Variants in FMNL2 observed in about 807,000 individuals in gnomAD.
FMNL2 encodes formin like 2, also known as formin-like protein 2.
Under a neutral mutation model 130.2 loss-of-function variants are expected in FMNL2, and 51 were observed. The ratio of observed to expected loss-of-function variants is 0.39; its 90% CI spans 0.31 to 0.49. The LOEUF (loss-of-function observed/expected upper bound fraction) is 0.49. FMNL2 is among the 20% of genes least tolerant of loss of function. The pLI, the probability that FMNL2 is intolerant of heterozygous loss-of-function variation, is 0.85. For missense variants in FMNL2, 977 were observed against 1,316.2 expected (o/e 0.74, Z 3.99); for synonymous variants, 465 against 467.1 (o/e 1.00, Z 0.06).
At chr2:152,336,276 G>A (rs1457432540) in intron 1 of FMNL2, among the ~76,000 whole-genome samples, 2 of 152,102 alleles carry the variant, frequency 1.3e-5, no homozygotes, top group African/African-American at 2.4e-5. Context: ...GCCAAGGGGA[G>A]CTTCCCCGAA....
chr2:152,645,447 T>A, intron 25 of FMNL2: 1 of 1,289,650 alleles, frequency 7.8e-7, no homozygotes, highest in Non-Finnish European at 1.0e-6. Flanking sequence ...TAAAGAAGAA[T>A]AATATCACTA....
At chr2:152,552,731 C>T (rs1258051720) in intron 4 of FMNL2, among the ~76,000 whole-genome samples, 3 of 152,070 alleles carry the variant, frequency 2.0e-5, no homozygotes, top group Non-Finnish European at 4.4e-5. Context: ...ACTTGAAATA[C>T]CCTTGAAATG....
intron 1 of FMNL2, among the ~76,000 whole-genome samples, chr2:152,375,850 GCTCTCTCTCTCT>G (rs71394477): frequency 2.0e-5 from 2 of 100,602 alleles, no homozygotes; most frequent in Non-Finnish European, 3.8e-5. Flanking sequence ...AGCCATTGAA[GCTCTCTCTCTCT>G]CTCTCTCTCT....
chr2:152,579,250 G>C lies in FMNL2; in HGVS notation c.782+286G>C, dbSNP rs12618643. Among the ~76,000 whole-genome samples the C allele has an allele frequency of 7.7e-4, 117 of 152,258 alleles. 1 individual carries two copies. The highest frequency in any genetic ancestry group is 6.9e-3 in the East Asian group (36 of 5,190). On this transcript the variant is annotated intron_variant, in intron 8 of 25. Coordinates refer to ENST00000288670, the MANE Select transcript of FMNL2 (RefSeq NM_052905.4). ...CATCCTTGCTGCTAAATTTGGAGAG[G>C]ATCAGGTTGCCAGGACTCGGGGGCC... is the stretch of plus-strand genomic sequence containing the variant.
chr2:152,633,585 C>T (rs1453489813), intron 21 of FMNL2, among the ~76,000 whole-genome samples: 1 of 152,154 alleles, frequency 6.6e-6, no homozygotes, highest in East Asian at 1.9e-4. Flanking sequence ...AGATGACTCT[C>T]TGACTATGAA....
intron 2 of FMNL2, among the ~76,000 whole-genome samples, chr2:152,530,363 A>AACAC (rs143717626): frequency 1.3e-5 from 2 of 151,400 alleles, no homozygotes; most frequent in Non-Finnish European, 3.0e-5. Context: ...TTCACACACA[A>AACAC]ACACACACAC....
intron 1 of FMNL2, among the ~76,000 whole-genome samples, chr2:152,379,508 G>T (rs1684348513): frequency 6.6e-6 from 1 of 152,118 alleles, no homozygotes; most frequent in Non-Finnish European, 1.5e-5. Context: ...TCAGAATGTG[G>T]TTACTATTCC....
Position 152,526,561 on chromosome 2 carries a change from A to G in FMNL2, c.201+4535A>G, listed in dbSNP as rs554855562. ...CCTCTCCTTCTCCTCCCTTCCTTCTATCCTCTGGCTAACTGACATGCTTCC... is the reference window on the plus strand; with the variant it reads ...CCTCTCCTTCTCCTCCCTTCCTTCTGTCCTCTGGCTAACTGACATGCTTCC... On this transcript the variant is annotated intron_variant, in intron 2 of 25. Transcript: ENST00000288670. Among the ~76,000 whole-genome samples the G allele has an allele frequency of 9.9e-5, 15 of 152,118 alleles. 1 individual carries two copies. The South Asian group carries it at 2.3e-3, about 23-fold the overall frequency.
intron 1 of FMNL2, among the ~76,000 whole-genome samples, chr2:152,467,288 G>C (rs1472925013): frequency 6.6e-6 from 1 of 152,164 alleles, no homozygotes; most frequent in East Asian, 1.9e-4. Flanking sequence ...AACCTGTTCA[G>C]TAATTCTTGT....
chr2:152,609,924 A>G (rs1698590201), intron 10 of FMNL2, among the ~76,000 whole-genome samples: 1 of 152,240 alleles, frequency 6.6e-6, no homozygotes, highest in African/African-American at 2.4e-5. Flanking sequence ...TGTTTCCACC[A>G]TAAATAGACT....
At chr2:152,396,603 G>A (rs1025531250) in intron 1 of FMNL2, among the ~76,000 whole-genome samples, 1 of 152,110 alleles carries the variant, frequency 6.6e-6, no homozygotes, top group Non-Finnish European at 1.5e-5. Flanking sequence ...CATGCCTCTG[G>A]ACATCTTTCA....
chr2:152,649,769 G>GTTACT lies in FMNL2; in HGVS notation c.*1867_*1871dup, dbSNP rs1683920693. 1 of 152,572 alleles carries GTTACT rather than the reference G, an allele frequency of 6.6e-6. No homozygotes were observed. The highest frequency in any genetic ancestry group is 2.4e-5 in the African/African-American group (1 of 41,442). The allele number at this position is 152,572 out of a possible 1,614,324, so 9.5% of individuals were successfully genotyped here. On this transcript the variant is annotated 3_prime_UTR_variant, in exon 26 of 26. Coordinates refer to ENST00000288670, the MANE Select transcript of FMNL2 (RefSeq NM_052905.4). The stretch of plus-strand genomic sequence containing the variant: ...AGAATGTTTTATAAAAGCAATTCAT[G>GTTACT]TTACTTTTCTGGTCTTTTCATGGCA...
chr2:152,354,688 G>A (rs967524858), intron 1 of FMNL2, among the ~76,000 whole-genome samples: 20 of 152,126 alleles, frequency 1.3e-4, no homozygotes, highest in African/African-American at 4.8e-4. Flanking sequence ...TATCTGGTGA[G>A]GAAAATTGCT....
At chr2:152,567,521 G>A (rs1302467473) in intron 6 of FMNL2, among the ~76,000 whole-genome samples, 2 of 152,118 alleles carry the variant, frequency 1.3e-5, no homozygotes, top group South Asian at 2.1e-4. Context: ...TCTTTTGGCT[G>A]TAGAGACAGT....
chr2:152,341,590 C>G (rs1282138942), intron 1 of FMNL2, among the ~76,000 whole-genome samples: 1 of 152,124 alleles, frequency 6.6e-6, no homozygotes, highest in African/African-American at 2.4e-5. Context: ...TTCCTCTGGC[C>G]CTTGGTTTTC....
intron 25 of FMNL2, among the ~76,000 whole-genome samples, chr2:152,642,870 A>G (rs1210291461): frequency 6.6e-6 from 1 of 151,996 alleles, no homozygotes; most frequent in African/African-American, 2.4e-5. Context: ...TTAGCCAGGC[A>G]TGGTGGCTGG....
chr2:152,434,129 C>A (rs1289970561), intron 1 of FMNL2, among the ~76,000 whole-genome samples: 3 of 152,158 alleles, frequency 2.0e-5, no homozygotes, highest in Non-Finnish European at 4.4e-5. Flanking sequence ...AAGGACTCTT[C>A]AAATTATTGA....
intron 1 of FMNL2, among the ~76,000 whole-genome samples, chr2:152,452,923 G>T (rs193087640): frequency 6.6e-6 from 1 of 152,306 alleles, no homozygotes; most frequent in African/African-American, 2.4e-5. Context: ...TGGCTGAATG[G>T]CCGGGCGCGG....
intron 1 of FMNL2, among the ~76,000 whole-genome samples, chr2:152,518,101 T>C (rs1692878872): frequency 6.6e-6 from 1 of 152,212 alleles, no homozygotes; most frequent in Admixed American, 6.5e-5. Flanking sequence ...AACATTTAGC[T>C]TGGACTCCAG....
Sources: gnomAD v4.1 joint callset for allele counts (sites outside exome capture counted in the v4.1 genomes callset) on GRCh38, gnomAD v4.1.1 for gene constraint, MANE v1.5 for transcripts, NCBI Gene and HGNC (gene_info 2026-07-23, HGNC 2026-07-21) for gene names.